Variants in NDST4 observed in about 807,000 individuals in gnomAD.
The protein encoded by NDST4 is N-heparan sulfate sulfotransferase 4.
In NDST4, 63 loss-of-function variants were observed where a neutral mutation model predicts 100.8. The ratio of observed to expected loss-of-function variants is 0.62; its 90% CI spans 0.51 to 0.77. NDST4 has a LOEUF of 0.77. NDST4 is among the 30% of genes least tolerant of loss of function. NDST4 has a pLI of 0.00. For missense variants in NDST4, 943 were observed against 1,018.4 expected, an observed-to-expected ratio of 0.93 and a Z score of 1.01; for synonymous variants, 377 against 361.8, an observed-to-expected ratio of 1.04 and a Z score of -0.48.
chr4:114,992,763 T>C (rs529162587), intron 2 of NDST4, among the ~76,000 whole-genome samples: 2 of 151,976 alleles, frequency 1.3e-5, no homozygotes, highest in South Asian at 2.1e-4. Flanking sequence ...CACAGATAAG[T>C]TTTACAATTA....
intron 1 of NDST4, among the ~76,000 whole-genome samples, chr4:115,108,697 G>T (rs1001551393): frequency 6.6e-6 from 1 of 151,848 alleles, no homozygotes; most frequent in Admixed American, 6.6e-5. Context: ...GAAATTTATA[G>T]GTGGAAGAAC....
Position 114,933,373 on chromosome 4 carries a change from G to GT in NDST4, c.1536+1832_1536+1833insA, listed in dbSNP as rs558019861. Among the ~76,000 whole-genome samples, 282 of 145,454 alleles carry GT rather than the reference G, an allele frequency of 1.9e-3. 1 individual carries two copies. The highest frequency in any genetic ancestry group is 6.8e-3 in the African/African-American group (273 of 39,952). On this transcript the variant is annotated intron_variant, in intron 6 of 13. Transcript: ENST00000264363. ...AATACCTGAAACTGGAAAACTACTA[G>GT]AAGGAAGTATAGGGAAAAAACTTTT... is the stretch of plus-strand genomic sequence containing the variant.
intron 2 of NDST4, among the ~76,000 whole-genome samples, chr4:115,051,789 C>T (rs1042440107): frequency 1.3e-5 from 2 of 152,006 alleles, no homozygotes; most frequent in African/African-American, 2.4e-5. Context: ...AGTGGAAGTG[C>T]TGGATTATAT....
intron 2 of NDST4, among the ~76,000 whole-genome samples, chr4:115,041,667 T>A (rs1728354221): frequency 6.6e-6 from 1 of 152,086 alleles, no homozygotes; most frequent in South Asian, 2.1e-4. Flanking sequence ...GATATCTTTC[T>A]CCTTTTCATT....
intron 6 of NDST4, among the ~76,000 whole-genome samples, chr4:114,928,491 C>T (rs1206116630): frequency 6.6e-6 from 1 of 152,056 alleles, no homozygotes; most frequent in Non-Finnish European, 1.5e-5. Context: ...TTCTGTGTTC[C>T]CCATTTTCTT....
intron 10 of NDST4, among the ~76,000 whole-genome samples, chr4:114,845,498 T>C (rs1442146544): frequency 6.6e-6 from 1 of 152,230 alleles, no homozygotes; most frequent in African/African-American, 2.4e-5. Flanking sequence ...CCATTCACCA[T>C]GTATTGTCAC....
intron 2 of NDST4, among the ~76,000 whole-genome samples, chr4:114,990,119 A>C (rs578261550): frequency 2.6e-5 from 4 of 152,256 alleles, no homozygotes; most frequent in Admixed American, 2.0e-4. Context: ...AGATGATAGA[A>C]TGAGTAATCA....
At chr4:115,024,579 A>T (rs946241868) in intron 2 of NDST4, among the ~76,000 whole-genome samples, 2 of 151,960 alleles carry the variant, frequency 1.3e-5, no homozygotes, top group East Asian at 3.9e-4. Flanking sequence ...ACTTGTTTTG[A>T]TTTTACAGAC....
intron 4 of NDST4, among the ~76,000 whole-genome samples, chr4:114,963,153 C>A (rs550808130): frequency 1.3e-5 from 2 of 151,954 alleles, no homozygotes; most frequent in Non-Finnish European, 2.9e-5. Flanking sequence ...TGGAAACAAC[C>A]CCAAAACAAC....
At chr4:114,908,095 A>C (rs1416357765) in intron 6 of NDST4, among the ~76,000 whole-genome samples, 1 of 152,208 alleles carries the variant, frequency 6.6e-6, no homozygotes, top group Non-Finnish European at 1.5e-5. Context: ...ATTCAACAAC[A>C]GAGGAATGAT....
chr4:114,940,076 T>A (rs1006640334), intron 4 of NDST4, among the ~76,000 whole-genome samples: 5 of 152,130 alleles, frequency 3.3e-5, no homozygotes, highest in African/African-American at 1.2e-4. Flanking sequence ...AGCCTTCCAA[T>A]GTAAATATAG....
chr4:115,046,059 G>A (rs1728458711), intron 2 of NDST4, among the ~76,000 whole-genome samples: 2 of 152,068 alleles, frequency 1.3e-5, no homozygotes, highest in Admixed American at 1.3e-4. Context: ...TATAACCTAG[G>A]CCAAACAGGA....
chr4:114,959,668 C>G (rs568104870), intron 4 of NDST4, among the ~76,000 whole-genome samples: 2 of 151,856 alleles, frequency 1.3e-5, no homozygotes, highest in African/African-American at 4.8e-5. Context: ...CAGGGTTCAA[C>G]AAGAAATTTG....
In NDST4 at chr4:114,977,927, G is replaced by T. The variant is rs1028089275; in HGVS notation, c.979-653C>A. ...AAACATTTCCCTAGTTTCTAGATTT[G>T]GAATTATACTATGTGAAAGTCTGGT... On this transcript the variant is annotated intron_variant, in intron 2 of 13. Coordinates refer to ENST00000264363, the MANE Select transcript of NDST4 (RefSeq NM_022569.3). Among the ~76,000 whole-genome samples the T allele has an allele frequency of 4.6e-5, 7 of 151,868 alleles. 1 individual carries two copies. In the South Asian group the frequency reaches 1.5e-3, roughly 32 times the overall value.
intron 3 of NDST4, among the ~76,000 whole-genome samples, chr4:114,972,447 A>G (rs1726534646): frequency 6.6e-6 from 1 of 152,058 alleles, no homozygotes; most frequent in Admixed American, 6.6e-5. Context: ...AAGTCCTATA[A>G]TTAAGATGAG....
intron 11 of NDST4, among the ~76,000 whole-genome samples, chr4:114,834,941 G>A (rs1056023523): frequency 3.9e-5 from 6 of 152,054 alleles, no homozygotes; most frequent in African/African-American, 1.4e-4. Flanking sequence ...TATTTCTGTG[G>A]GATCAATGGT....
chr4:114,998,346 C>G (rs1410607435), intron 2 of NDST4, among the ~76,000 whole-genome samples: 4 of 152,000 alleles, frequency 2.6e-5, no homozygotes, highest in African/African-American at 9.7e-5. Context: ...TTTCTAAAAC[C>G]TGTTTTAGTG....
At chr4:115,072,794 AC>A (rs1729103585) in intron 2 of NDST4, among the ~76,000 whole-genome samples, 1 of 152,014 alleles carries the variant, frequency 6.6e-6, no homozygotes, top group South Asian at 2.1e-4. Flanking sequence ...TTTAGATATG[AC>A]CCAAAAACAC....
At chr4:115,090,515 G>T (rs994038325) in intron 1 of NDST4, among the ~76,000 whole-genome samples, 11 of 151,668 alleles carry the variant, frequency 7.3e-5, no homozygotes, top group Non-Finnish European at 1.2e-4. Flanking sequence ...TTTATAACAG[G>T]CCATAAAACA....
Sources: allele counts gnomAD v4.1 joint callset (sites outside exome capture counted in the v4.1 genomes callset), GRCh38; gene constraint gnomAD v4.1.1; transcripts MANE v1.5; gene names NCBI Gene and HGNC (gene_info 2026-07-23, HGNC 2026-07-21).